VWF: variants seen among roughly 807,000 people sequenced by gnomAD.
The protein encoded by VWF is Factor VIII related antigen.
A neutral mutation model predicts 308.6 loss-of-function variants in VWF; 176 were observed. That is an observed-to-expected ratio of 0.57 (90% CI 0.50 to 0.65). The LOEUF (loss-of-function observed/expected upper bound fraction) is 0.65, where lower values mean the gene tolerates loss of function less well. VWF is among the 30% of genes least tolerant of loss of function. VWF has a pLI of 0.00. For missense variants in VWF, 3,146 were observed against 3,648.2 expected (o/e 0.86, Z 3.55); for synonymous variants, 1,385 against 1,443.4 (o/e 0.96, Z 0.92).
Position 6,113,337 on chromosome 12 carries a change from G to A in VWF, c.221-2369C>T, listed in dbSNP as rs1299946980. On this transcript the variant is annotated intron_variant, in intron 3 of 51. Transcript: ENST00000261405. ...TTTTGAGACAGAGTCTCGCTCTGTC[G>A]CCCAGGCTGGAGTGCAGTGGCGCGA... 4.1e-5 allele frequency among the ~76,000 whole-genome samples: 6 copies of A among 146,482 alleles called. No individual in the cohort carries two copies. In the East Asian group the frequency reaches 1.0e-3, roughly 24 times the overall value.
intron 5 of VWF, among the ~76,000 whole-genome samples, chr12:6,097,141 T>A (rs1230437725): frequency 1.3e-5 from 2 of 152,080 alleles, no homozygotes; most frequent in African/African-American, 4.8e-5. Flanking sequence ...TGTATCCTTA[T>A]AAGAGATGGG....
intron 34 of VWF, among the ~76,000 whole-genome samples, chr12:6,007,006 T>C (rs1214225203): frequency 6.6e-6 from 1 of 152,154 alleles, no homozygotes; most frequent in Non-Finnish European, 1.5e-5. Flanking sequence ...ACGGACATTA[T>C]ATAGTGATAA....
chr12:5,999,471 TACACACACACACAC>T (rs3062521), intron 34 of VWF, among the ~76,000 whole-genome samples: 1 of 143,558 alleles, frequency 7.0e-6, no homozygotes, highest in Non-Finnish European at 1.5e-5. Flanking sequence ...TGTACACACA[TACACACACACACAC>T]ACACACACAC....
intron 6 of VWF, among the ~76,000 whole-genome samples, chr12:6,084,435 G>A (rs2136485027): frequency 6.6e-6 from 1 of 152,284 alleles, no homozygotes; most frequent in South Asian, 2.1e-4. Flanking sequence ...CCATGCCTGG[G>A]TTGGTGTGCA....
At chr12:6,015,517 G>A (rs955170448) in intron 31 of VWF, among the ~76,000 whole-genome samples, 1 of 152,000 alleles carries the variant, frequency 6.6e-6, no homozygotes, top group Non-Finnish European at 1.5e-5. Flanking sequence ...CTGGGAGGTG[G>A]TCCCTAGACT....
chr12:6,034,603 A>G, intron 20 of VWF, 85 bp downstream of exon 20: 1 of 1,601,324 alleles, frequency 6.2e-7, no homozygotes, highest in Non-Finnish European at 8.5e-7. Context: ...TTCTGCAGAC[A>G]GATCCACAGA....
At chr12:6,069,831 A>T (rs1467859923) in intron 10 of VWF, among the ~76,000 whole-genome samples, 2 of 152,228 alleles carry the variant, frequency 1.3e-5, no homozygotes, top group Non-Finnish European at 2.9e-5. Context: ...TGAAGACCAG[A>T]GGACTGTATT....
At chr12:6,021,508 C>T in intron 27 of VWF, 1 of 187,774 alleles carries the variant, frequency 5.3e-6, no homozygotes, top group Non-Finnish European at 1.1e-5. Flanking sequence ...TTCCATCTCA[C>T]TTTCCTCTCC....
At position 5,983,168 on chromosome 12, in the gene VWF, T is replaced by C; in HGVS notation, c.7063A>G (p.Arg2355Gly). 1 of 1,613,956 alleles carries C rather than the reference T, an allele frequency of 6.2e-7. No homozygotes were observed. The highest frequency in any genetic ancestry group is 1.1e-5 in the South Asian group (1 of 91,000). ...GCCTTACCGCAGGTGAAGTTGGGTCTGCACTCGCCAGGGTTGGTCAGTGTG... is the reference window on the plus strand; with the variant it reads ...GCCTTACCGCAGGTGAAGTTGGGTCCGCACTCGCCAGGGTTGGTCAGTGTG... ...QPTLTNPGECRPNFTCACRKE... is the reference protein window; with the variant it reads ...QPTLTNPGECGPNFTCACRKE... Residue 2355 changes from arginine to glycine, a missense_variant, in exon 41 of 52, where the codon AGA (arginine) becomes GGA (glycine). Transcript: ENST00000261405.
rs1190326936 is a variant in VWF, at chr12:6,063,722, C to CA, written c.1432+523dup. On this transcript the variant is annotated intron_variant, in intron 12 of 51. Coordinates refer to ENST00000261405, the MANE Select transcript of VWF (RefSeq NM_000552.5). This position sits in a 1 kb window ranked among gnomAD's most constrained non-coding sequence, Gnocchi z 4.9. ...TGTGAAGTTTGGGAGCTTTACCATG[C>CA]AAAAGCAGGTTTGCTTTGACCGGCA... is the stretch of plus-strand genomic sequence containing the variant. Among the ~76,000 whole-genome samples the CA allele has an allele frequency of 6.6e-6, 1 of 152,178 alleles. No homozygotes were observed. The highest frequency in any genetic ancestry group is 1.5e-5 in the Non-Finnish European group (1 of 68,020).
chr12:6,023,726 C>A lies in VWF; in HGVS notation c.3284G>T (p.Gly1095Val), dbSNP rs1397155952. ...IYDTCSCESIGDCACFCDTIA... is the reference protein window; with the variant it reads ...IYDTCSCESIVDCACFCDTIA... ...GGTGTCGCAGAAGCAGGCGCAGTCC[C>A]CAATGGACTCACAGGAGCAGGTGTC... The change falls in exon 25 of 52, where the codon GGG becomes GTG. Residue 1095 changes from glycine (G) to valine (V), a missense_variant. By Grantham distance (109) the Gly-to-Val change is moderately radical. Transcript: ENST00000261405. The A allele has an allele frequency of 1.2e-6, 2 of 1,613,686 alleles. No individual in the cohort carries two copies. Among genetic ancestry groups the A allele is most frequent in the Admixed American group, 3.3e-5 (2 of 60,000 alleles).
Position 6,025,713 on chromosome 12 carries a change from T to G in VWF, c.3109-20A>C, listed in dbSNP as rs772733897. The G allele has an allele frequency of 1.5e-6, 2 of 1,318,750 alleles. No individual in the cohort carries two copies. Among genetic ancestry groups the G allele is most frequent in the Admixed American group, 1.8e-5 (1 of 55,198 alleles). The allele number at this position is 1,318,750 out of a possible 1,614,324, so 81.7% of individuals were successfully genotyped here. A position where few individuals can be genotyped will look rare whatever the true frequency, so the allele number is the denominator to read the frequency against. ...AGGCACCTGGGAACCAGGCAAGAGA[T>G]AGGCCAGCCGTCAGCTGGTCAAACT... is the stretch of plus-strand genomic sequence containing the variant. On this transcript the variant is annotated intron_variant, in intron 23 of 51. Coordinates refer to ENST00000261405, the MANE Select transcript of VWF (RefSeq NM_000552.5).
intron 3 of VWF, among the ~76,000 whole-genome samples, chr12:6,115,817 A>T (rs1945358056): frequency 6.6e-6 from 1 of 152,172 alleles, no homozygotes; most frequent in African/African-American, 2.4e-5. Flanking sequence ...CAGTTGTGAC[A>T]ACCCAAAATG....
intron 34 of VWF, among the ~76,000 whole-genome samples, chr12:5,998,813 C>T (rs1028779386): frequency 4.6e-5 from 7 of 152,216 alleles, no homozygotes; most frequent in Admixed American, 1.3e-4. Flanking sequence ...CTGCAACCTC[C>T]GCCTCCCCGG....
chr12:5,963,944 A>G (rs1943347969), intron 47 of VWF, among the ~76,000 whole-genome samples: 3 of 152,366 alleles, frequency 2.0e-5, no homozygotes, highest in Admixed American at 2.0e-4. Context: ...GCAGTGGCTC[A>G]CGCCTGTAAT....
chr12:6,121,528 A>C (rs1458393070), intron 2 of VWF, among the ~76,000 whole-genome samples, 190 bp from the exon 3 acceptor site: 11 of 152,244 alleles, frequency 7.2e-5, no homozygotes, highest in African/African-American at 2.4e-4. Flanking sequence ...GACTCACAGC[A>C]ATAACTAAGG....
intron 45 of VWF, 45 bp downstream of exon 45, chr12:5,969,165 TA>T: frequency 6.3e-7 from 1 of 1,577,572 alleles, no homozygotes; most frequent in Non-Finnish European, 8.6e-7. Flanking sequence ...AAGAGAGGCT[TA>T]AAGGTGGTGC....
At chr12:6,061,553 G>A (rs1486205969) in intron 13 of VWF, among the ~76,000 whole-genome samples, 1 of 151,918 alleles carries the variant, frequency 6.6e-6, no homozygotes, top group Non-Finnish European at 1.5e-5. Context: ...ACACGAGGAT[G>A]GAGGACGCCA....
At chr12:6,118,732 A>G (rs1382728142) in intron 3 of VWF, among the ~76,000 whole-genome samples, 1 of 151,800 alleles carries the variant, frequency 6.6e-6, no homozygotes, top group Non-Finnish European at 1.5e-5. Context: ...CCCACTGACA[A>G]CCCCAGAGCC....
Sources: allele counts gnomAD v4.1 joint callset (sites outside exome capture counted in the v4.1 genomes callset), GRCh38; gene constraint gnomAD v4.1.1; non-coding constraint Gnocchi (gnomAD v3.1); transcripts MANE v1.5; gene names NCBI Gene and HGNC (gene_info 2026-07-23, HGNC 2026-07-21).